TMA16: variants seen among roughly 807,000 people sequenced by gnomAD.
TMA16 encodes translation machinery-associated protein 16.
TMA16 carries 26 observed loss-of-function variants against 27.1 expected under a neutral mutation model. That is an observed-to-expected ratio of 0.96 (90% CI 0.70 to 1.33). TMA16 has a LOEUF of 1.33. Among genes scored for constraint, TMA16 ranks in the 40% most tolerant of loss-of-function variants. The pLI is 0.00. For missense variants in TMA16, 233 were observed against 241.4 expected (o/e 0.97, Z 0.23); for synonymous variants, 71 against 81.9 (o/e 0.87, Z 0.72).
rs145484562 is a variant in TMA16, at chr4:163,516,826, G to A, written c.389-608G>A. 4.7e-3 allele frequency among the ~76,000 whole-genome samples: 711 copies of A among 151,886 alleles called. 2 individuals are homozygous for A. The highest frequency in any genetic ancestry group is 8.1e-3 in the South Asian group (39 of 4,810). ...TAAACATTAATTCTTGCATTCCTGAGATAAATTCTACCTTGTGAAGGCAGA... is the reference window on the plus strand; with the variant it reads ...TAAACATTAATTCTTGCATTCCTGAAATAAATTCTACCTTGTGAAGGCAGA... On this transcript the variant is annotated intron_variant, in intron 5 of 6. Coordinates refer to ENST00000358572, the MANE Select transcript of TMA16 (RefSeq NM_018352.3).
intron 1 of TMA16, among the ~76,000 whole-genome samples, chr4:163,501,404 A>G (rs1737649599): frequency 6.6e-6 from 1 of 152,206 alleles, no homozygotes; most frequent in African/African-American, 2.4e-5. Context: ...CTCTTCTTTC[A>G]AACTTTGGTT....
chr4:163,509,670 C>G (rs1031012718), intron 2 of TMA16, among the ~76,000 whole-genome samples: 1 of 152,154 alleles, frequency 6.6e-6, no homozygotes, highest in African/African-American at 2.4e-5. Flanking sequence ...AGTAAAAGTT[C>G]AAGCATATTC....
intron 1 of TMA16, among the ~76,000 whole-genome samples, chr4:163,498,877 C>T (rs988336094): frequency 9.9e-5 from 15 of 151,844 alleles, no homozygotes; most frequent in African/African-American, 3.4e-4. Context: ...AGGCTGGTCT[C>T]GAACTTCTGG....
rs2110812018 is a variant in TMA16 at position 163,515,493 on chromosome 4, T to C, written c.388+32T>C. ...TCACTGATTTTTTATTTTCCTTTTA[T>C]ATGACATAGCAGTATCAATTTGTGA... On this transcript the variant is annotated intron_variant, in intron 5 of 6. Transcript: ENST00000358572. 1.9e-6 allele frequency: 3 copies of C among 1,596,460 alleles called. No individual in the cohort carries two copies. In the East Asian group the frequency reaches 6.7e-5, roughly 36 times the overall value.
In TMA16 at chr4:163,513,290, T is replaced by C. The variant is rs528564691; in HGVS notation, c.154+431T>C. ...TTGGTCAGATTTATTGCTAATAATT[T>C]TTTACTCACAAATCTGAGATTTAAA... On this transcript the variant is annotated intron_variant, in intron 3 of 6. Coordinates refer to ENST00000358572, the MANE Select transcript of TMA16 (RefSeq NM_018352.3). Among the ~76,000 whole-genome samples the C allele has an allele frequency of 2.6e-5, 4 of 152,306 alleles. No individual in the cohort carries two copies. In the South Asian group the frequency reaches 8.3e-4, roughly 32 times the overall value.
intron 2 of TMA16, among the ~76,000 whole-genome samples, chr4:163,510,426 CTTTATTTTGATAGGTGAGA>C (rs2110804216): frequency 6.6e-6 from 1 of 152,270 alleles, no homozygotes; most frequent in South Asian, 2.1e-4. Flanking sequence ...CTAATTTGCT[CTTTATTTTGATAGGTGAGA>C]TTTATCTTTC....
intron 5 of TMA16, chr4:163,516,986 G>C (rs1387746498): frequency 6.4e-6 from 1 of 156,984 alleles, no homozygotes; most frequent in Admixed American, 6.5e-5. Flanking sequence ...TTTGTTAATA[G>C]CTTTGGTTTT....
intron 2 of TMA16, among the ~76,000 whole-genome samples, chr4:163,511,268 G>A (rs1325443673): frequency 6.6e-6 from 1 of 151,826 alleles, no homozygotes; most frequent in African/African-American, 2.4e-5. Context: ...AATCTAGTAG[G>A]TGTATAGTGG....
chr4:163,503,747 T>G (rs964588773), intron 1 of TMA16, among the ~76,000 whole-genome samples: 3 of 152,172 alleles, frequency 2.0e-5, no homozygotes, highest in African/African-American at 7.2e-5. Flanking sequence ...GGTCTGTTAG[T>G]TATTTTATGA....
At chr4:163,508,783 G>T (rs1262257036) in intron 2 of TMA16, among the ~76,000 whole-genome samples, 1 of 152,200 alleles carries the variant, frequency 6.6e-6, no homozygotes, top group African/African-American at 2.4e-5. Flanking sequence ...CACTGTCATT[G>T]TGACCGTGAG....
intron 1 of TMA16, among the ~76,000 whole-genome samples, chr4:163,506,270 T>TG: frequency 6.6e-6 from 1 of 152,322 alleles, no homozygotes; most frequent in South Asian, 2.1e-4. Context: ...AAGGGCTTTG[T>TG]GGAACAGAAC....
At chr4:163,517,028 C>T (rs780850254) in intron 5 of TMA16, 27 of 160,006 alleles carry the variant, frequency 1.7e-4, no homozygotes, top group Admixed American at 2.6e-4. Flanking sequence ...CTCAGCCTCC[C>T]GAGTAGCTGG....
At chr4:163,511,937 CA>C (rs1246820472) in intron 2 of TMA16, among the ~76,000 whole-genome samples, 1 of 151,798 alleles carries the variant, frequency 6.6e-6, no homozygotes, top group Non-Finnish European at 1.5e-5. Flanking sequence ...GGATAAAAGC[CA>C]TGTATACTTC....
rs760540547 is a variant in TMA16, at chr4:163,507,057, G to T, written c.28G>T (p.Ala10Ser). The T allele has an allele frequency of 6.3e-7, 1 of 1,592,530 alleles. No individual in the cohort carries two copies. Among genetic ancestry groups the T allele is most frequent in the Non-Finnish European group, 8.6e-7 (1 of 1,168,710 alleles). ...GCCCAAAGCACCAAAGGGAAAAAGT[G>T]CAGGACGGGAAAAAAAAGTCATCCA... MPKAPKGKSAGREKKVIHPY... is the reference protein window; with the variant it reads MPKAPKGKSSGREKKVIHPY... The change falls in exon 2 of 7, where the codon GCA becomes TCA. Residue 10 changes from alanine to serine, a missense_variant. Coordinates refer to ENST00000358572, the MANE Select transcript of TMA16 (RefSeq NM_018352.3).
At chr4:163,505,175 C>A (rs1302091954) in intron 1 of TMA16, among the ~76,000 whole-genome samples, 1 of 152,152 alleles carries the variant, frequency 6.6e-6, no homozygotes, top group African/African-American at 2.4e-5. Context: ...AGGCAGCCTG[C>A]CAAATGTCCT....
intron 1 of TMA16, among the ~76,000 whole-genome samples, chr4:163,503,992 T>C (rs1737684453): frequency 6.6e-6 from 1 of 152,190 alleles, no homozygotes; most frequent in Non-Finnish European, 1.5e-5. Flanking sequence ...TTGTACTAAG[T>C]CTTGAAGGTT....
rs753863507 is a variant in TMA16, at chr4:163,514,124, T to A, written c.205T>A (p.Tyr69Asn). Residue 69 changes from tyrosine (Y) to asparagine (N), a missense_variant, in exon 4 of 7, where the codon TAT (tyrosine) becomes AAT (asparagine). Physicochemically the swap from Tyr to Asn is moderately radical, Grantham distance 143. Transcript: ENST00000358572. ...TCATCTTGATCCCCAAAAAAAGAGA[T>A]ATTCAAAGAAAGATGCTTGTGAACT... ...QNHLDPQKKRYSKKDACELIE... is the reference protein window; with the variant it reads ...QNHLDPQKKRNSKKDACELIE... 2 of 1,609,696 alleles carry A rather than the reference T, an allele frequency of 1.2e-6. No homozygotes were observed.
Position 163,515,616 on chromosome 4 carries a change from C to CT in TMA16, c.388+164dup, listed in dbSNP as rs200483857. The CT allele has an allele frequency of 9.3e-3, 7,926 of 855,864 alleles. 40 individuals carry two copies. Among genetic ancestry groups the CT allele is most frequent in the Admixed American group, 0.011 (314 of 29,430 alleles). The allele number at this position is 855,864 out of a possible 1,614,324, so 53.0% of individuals were successfully genotyped here. A position where few individuals can be genotyped will look rare whatever the true frequency, so the allele number is the denominator to read the frequency against. ...TGAGGGTTTAGAAAAATTTTGGATT[C>CT]TTTTTTTTTCCCCTACATTCCCAAC... On this transcript the variant is annotated intron_variant, in intron 5 of 6. Transcript: ENST00000358572.
At chr4:163,518,544 A>G (rs1737919732) in intron 6 of TMA16, among the ~76,000 whole-genome samples, 1 of 152,170 alleles carries the variant, frequency 6.6e-6, no homozygotes, top group South Asian at 2.1e-4. Context: ...TTAGTTTTTA[A>G]ACATAGATTT....
Sources: gnomAD v4.1 joint callset for allele counts (sites outside exome capture counted in the v4.1 genomes callset) on GRCh38, gnomAD v4.1.1 for gene constraint, MANE v1.5 for transcripts, NCBI Gene and HGNC (gene_info 2026-07-23, HGNC 2026-07-21) for gene names.